The following NYAP2 variants were observed in gnomAD, a reference collection of about 807,000 sequenced individuals.
NYAP2 encodes neuronal tyrosine-phosphorylated phosphoinositide-3-kinase adapter 2.
Under a neutral mutation model 50.4 loss-of-function variants are expected in NYAP2, and 23 were observed. The observed-to-expected ratio is 0.46, with a 90% CI of 0.33 to 0.65. The LOEUF (loss-of-function observed/expected upper bound fraction) is 0.65, where lower values mean the gene tolerates loss of function less well. NYAP2 is among the 30% of genes least tolerant of loss of function. The pLI is 0.02. For missense variants in NYAP2, 885 were observed against 861.0 expected, an observed-to-expected ratio of 1.03 and a Z score of -0.35; for synonymous variants, 394 against 365.2, an observed-to-expected ratio of 1.08 and a Z score of -0.90.
rs967290686 is a variant in NYAP2 at position 225,520,770 on chromosome 2, C to G, written c.523+7098C>G. On this transcript the variant is annotated intron_variant, in intron 4 of 6. Coordinates refer to ENST00000636099, the Ensembl canonical transcript of NYAP2. Reference sequence around the variant, plus strand: ...TGGCGATGCCGGCTCTTTTTTGGTTCCATATGAACTTTAAAGTAGTTTTTT... The same window carrying G: ...TGGCGATGCCGGCTCTTTTTTGGTTGCATATGAACTTTAAAGTAGTTTTTT... Among the ~76,000 whole-genome samples the G allele has an allele frequency of 3.6e-3, 549 of 152,152 alleles. 3 individuals carry two copies. The highest frequency in any genetic ancestry group is 0.012 in the African/African-American group (502 of 41,480).
intron 6 of NYAP2, among the ~76,000 whole-genome samples, chr2:225,646,435 C>A (rs998335169): frequency 6.6e-6 from 1 of 152,144 alleles, no homozygotes; most frequent in Non-Finnish European, 1.5e-5. Flanking sequence ...CCTGTAATCC[C>A]AGCTACTCAG....
intron 3 of NYAP2, among the ~76,000 whole-genome samples, chr2:225,509,794 T>C (rs900791128): frequency 5.9e-5 from 9 of 152,232 alleles, no homozygotes; most frequent in Non-Finnish European, 1.0e-4. Context: ...TCATTCCTCA[T>C]GGCAAGTGCT....
upstream of NYAP2, among the ~76,000 whole-genome samples, chr2:225,398,669 G>C (rs1335857030): frequency 1.3e-5 from 2 of 151,936 alleles, no homozygotes; most frequent in East Asian, 1.9e-4. Flanking sequence ...TTGGGATAGG[G>C]GGAAGAGAAT....
chr2:225,429,522 A>T (rs1347509419), intron 3 of NYAP2, among the ~76,000 whole-genome samples: 1 of 152,230 alleles, frequency 6.6e-6, no homozygotes, highest in African/African-American at 2.4e-5. Context: ...TTTTCTTTTG[A>T]AATCAATAAT....
chr2:225,681,926 A>G, the NYAP2 span, among the ~76,000 whole-genome samples: 2 of 152,216 alleles, frequency 1.3e-5, no homozygotes, highest in East Asian at 1.9e-4. Flanking sequence ...TAGCATATAT[A>G]AGACATTTGG....
chr2:225,455,203 T>C (rs1689720677), intron 3 of NYAP2, among the ~76,000 whole-genome samples: 2 of 152,252 alleles, frequency 1.3e-5, no homozygotes, highest in South Asian at 4.1e-4. Flanking sequence ...TTCAGACTCC[T>C]GAACTCCACA....
chr2:225,449,003 A>G (rs1689606276), intron 3 of NYAP2, among the ~76,000 whole-genome samples: 1 of 152,362 alleles, frequency 6.6e-6, no homozygotes, highest in South Asian at 2.1e-4. Flanking sequence ...TCTGTGTGGT[A>G]TAGCACCTCA....
At chr2:225,615,434 TA>T (rs747086475) in intron 5 of NYAP2, among the ~76,000 whole-genome samples, 11 of 151,556 alleles carry the variant, frequency 7.3e-5, no homozygotes, top group East Asian at 3.9e-4. Flanking sequence ...TGTATTCTGA[TA>T]AAAAAAAAGA....
In NYAP2 at chr2:225,574,335, C is replaced by T. The variant is rs142442026; in HGVS notation, c.524-7606C>T. On this transcript the variant is annotated intron_variant, in intron 4 of 6. Transcript: ENST00000636099. ...GAGGAACATAGAAGTCACTGGTTCG[C>T]AGCAATTCAGAAGTTCAGTTAGACT... 1.4e-3 allele frequency among the ~76,000 whole-genome samples: 219 copies of T among 152,280 alleles called. 1 individual carries two copies. The highest frequency in any genetic ancestry group is 4.9e-3 in the African/African-American group (204 of 41,534).
intron 4 of NYAP2, among the ~76,000 whole-genome samples, chr2:225,550,066 C>T (rs1191437243): frequency 6.6e-6 from 1 of 151,400 alleles, no homozygotes; most frequent in African/African-American, 2.4e-5. Context: ...CAGGCTCAGT[C>T]AAATGTAAGA....
intron 3 of NYAP2, among the ~76,000 whole-genome samples, chr2:225,495,867 C>A (rs779732827): frequency 2.0e-5 from 3 of 152,088 alleles, no homozygotes; most frequent in African/African-American, 7.2e-5. Flanking sequence ...ATGAGAAGAC[C>A]GCAGACCAAA....
In NYAP2 at chr2:225,582,051, A is replaced by C. The variant is rs1382027508; in HGVS notation, c.634A>C (p.Ile212Leu). Reference sequence around the variant, plus strand: ...GAGCACATCTTTCGATGAAACGTACATCAAAAAGCATGGGCCCCGGAGGAC... The same window carrying C: ...GAGCACATCTTTCGATGAAACGTACCTCAAAAAGCATGGGCCCCGGAGGAC... Residue 212 changes from isoleucine to leucine, a missense_variant, in exon 5 of 7, where the codon ATC becomes CTC. By Grantham distance (5) the Ile-to-Leu change is conservative. Coordinates refer to ENST00000636099, the Ensembl canonical transcript of NYAP2. The surrounding 1 kb of genome is among the most constrained non-coding windows in gnomAD (Gnocchi z 7.0). The C allele has an allele frequency of 3.1e-6, 5 of 1,614,036 alleles. No homozygotes were observed. Among genetic ancestry groups the C allele is most frequent in the Non-Finnish European group, 4.2e-6 (5 of 1,179,892 alleles).
chr2:225,502,195 A>G (rs1486661037), intron 3 of NYAP2, among the ~76,000 whole-genome samples: 1 of 152,206 alleles, frequency 6.6e-6, no homozygotes, highest in Non-Finnish European at 1.5e-5. Context: ...GCTAAGAGGC[A>G]ATTGCATTAA....
the NYAP2 span, among the ~76,000 whole-genome samples, chr2:225,661,010 C>T: frequency 9.9e-5 from 15 of 152,060 alleles, no homozygotes; most frequent in African/African-American, 3.1e-4. Flanking sequence ...ACCTGAGTTT[C>T]CAGGAAAGGA....
intron 4 of NYAP2, among the ~76,000 whole-genome samples, chr2:225,571,914 T>C (rs1036899599): frequency 1.2e-4 from 18 of 152,230 alleles, no homozygotes; most frequent in African/African-American, 2.9e-4. Flanking sequence ...AACGCTTTGC[T>C]GCTTAGAAAT....
At chr2:225,691,350 A>G in the NYAP2 span, among the ~76,000 whole-genome samples, 2 of 152,172 alleles carry the variant, frequency 1.3e-5, no homozygotes, top group Non-Finnish European at 2.9e-5. Flanking sequence ...GTACACCACC[A>G]TTTGAATTTC....
At chr2:225,597,006 G>T (rs1692611181) in intron 5 of NYAP2, among the ~76,000 whole-genome samples, 1 of 152,102 alleles carries the variant, frequency 6.6e-6, no homozygotes, top group Middle Eastern at 3.2e-3. Flanking sequence ...TGTTTAACCA[G>T]CTTAAAAAAC....
At chr2:225,477,478 C>T (rs868437451) in intron 3 of NYAP2, among the ~76,000 whole-genome samples, 9 of 151,902 alleles carry the variant, frequency 5.9e-5, no homozygotes, top group South Asian at 2.1e-4. Context: ...CCTCGTGATC[C>T]GCCTGCCTCG....
chr2:225,468,636 A>T (rs1689962841), intron 3 of NYAP2, among the ~76,000 whole-genome samples: 1 of 152,216 alleles, frequency 6.6e-6, no homozygotes, highest in Admixed American at 6.5e-5. Context: ...TCATTGAGAA[A>T]AAGAGGTATG....
Sources: allele counts gnomAD v4.1 joint callset (sites outside exome capture counted in the v4.1 genomes callset), GRCh38; gene constraint gnomAD v4.1.1; non-coding constraint Gnocchi (gnomAD v3.1); transcripts MANE v1.5; gene names NCBI Gene and HGNC (gene_info 2026-07-23, HGNC 2026-07-21).